GRM4: variants seen among roughly 807,000 people sequenced by gnomAD.
GRM4 encodes metabotropic glutamate receptor 4.
A neutral mutation model predicts 81.7 loss-of-function variants in GRM4; 28 were observed. The ratio of observed to expected loss-of-function variants is 0.34; its 90% CI spans 0.25 to 0.47. The LOEUF (loss-of-function observed/expected upper bound fraction) is 0.47, where lower values mean the gene tolerates loss of function less well. Among genes scored for constraint, GRM4 ranks in the 20% least tolerant of loss-of-function variants. The pLI, the probability that GRM4 is intolerant of heterozygous loss-of-function variation, is 1.00. For synonymous variants in GRM4, 488 were observed against 528.8 expected (o/e 0.92, Z 1.06); for missense variants, 948 against 1,290.0 (o/e 0.73, Z 4.06).
At position 34,040,705 on chromosome 6, in the gene GRM4, C is replaced by T. The variant is rs1486512187; in HGVS notation, c.1212G>A (p.Gly404=). 6.2e-7 allele frequency: 1 copy of T among 1,614,094 alleles called. No homozygotes were observed. Among genetic ancestry groups the T allele is most frequent in the Admixed American group, 1.7e-5 (1 of 60,028 alleles). The change falls in exon 7 of 11, where the codon GGG becomes GGA. Residue 404 remains glycine, a synonymous_variant. Transcript: ENST00000538487. Reference sequence around the variant, plus strand: ...CGGCATCGATCACAAACTGCACCTTCCCCTCCTGCTCATAAGCTGAATCCT... The same window carrying T: ...CGGCATCGATCACAAACTGCACCTTTCCCTCCTGCTCATAAGCTGAATCCT... ...IGQDSAYEQE[G]KVQFVIDAVY...
chr6:34,134,493 C>T (rs1272155125), intron 1 of GRM4, among the ~76,000 whole-genome samples: 1 of 152,096 alleles, frequency 6.6e-6, no homozygotes, highest in Admixed American at 6.5e-5. Context: ...CAAGGGAAGG[C>T]CAGGGAGGAG....
At chr6:34,126,848 G>A (rs911290675) in intron 2 of GRM4, among the ~76,000 whole-genome samples, 4 of 152,222 alleles carry the variant, frequency 2.6e-5, no homozygotes, top group Admixed American at 6.5e-5. Flanking sequence ...TGGGTGGGGC[G>A]TAGAGCCTAG....
intron 6 of GRM4, among the ~76,000 whole-genome samples, chr6:34,052,697 G>A (rs767774365): frequency 1.3e-5 from 2 of 152,188 alleles, no homozygotes; most frequent in Non-Finnish European, 2.9e-5. Context: ...AATAGGTCTC[G>A]GAGACCACAG....
intron 5 of GRM4, 100 bp from the exon 6 acceptor site, chr6:34,056,784 G>T: frequency 1.5e-6 from 2 of 1,316,362 alleles, no homozygotes; most frequent in East Asian, 2.5e-5. Flanking sequence ...CAGGCGGAGG[G>T]AGAGAGACCA....
chr6:34,101,698 C>T (rs562101354), intron 2 of GRM4, among the ~76,000 whole-genome samples: 5 of 152,346 alleles, frequency 3.3e-5, no homozygotes, highest in East Asian at 3.9e-4. Flanking sequence ...CACAAAAGAT[C>T]GGGCAGGAGC....
At chr6:34,049,814 G>A (rs571835005) in intron 6 of GRM4, among the ~76,000 whole-genome samples, 4 of 151,774 alleles carry the variant, frequency 2.6e-5, no homozygotes, top group East Asian at 1.9e-4. Flanking sequence ...TGACCCCTTC[G>A]CACCACCTCC....
intron 3 of GRM4, among the ~76,000 whole-genome samples, chr6:34,067,823 G>T (rs1766564978): frequency 6.6e-6 from 1 of 152,126 alleles, no homozygotes; most frequent in Admixed American, 6.5e-5. Flanking sequence ...GCAGAGGAAG[G>T]GCCCCCTGGA....
intron 1 of GRM4, among the ~76,000 whole-genome samples, chr6:34,145,779 G>A (rs1430493988): frequency 6.6e-6 from 1 of 152,194 alleles, no homozygotes; most frequent in Non-Finnish European, 1.5e-5. Flanking sequence ...TGAAAGTGCG[G>A]GCCAAGCTCA....
intron 1 of GRM4, among the ~76,000 whole-genome samples, chr6:34,143,743 T>C (rs769141113): frequency 1.1e-4 from 16 of 152,120 alleles, no homozygotes; most frequent in Non-Finnish European, 2.4e-4. Flanking sequence ...ACGTCCACCA[T>C]TGGCTGGCCC....
chr6:34,126,321 G>A (rs1053162414), intron 2 of GRM4, among the ~76,000 whole-genome samples: 1 of 152,166 alleles, frequency 6.6e-6, no homozygotes, highest in Non-Finnish European at 1.5e-5. Context: ...TGCTATGAGG[G>A]TTAGGACCAG....
chr6:34,155,303 G>A lies in GRM4; in HGVS notation c.88C>T (p.Pro30Ser), dbSNP rs925344153. Reference sequence around the variant, plus strand: ...TGGTGGGAGGAAGGTGGGGTACAGGGGTGGGGTGCGATGCAGAGGCGTAGA... The same window carrying A: ...TGGTGGGAGGAAGGTGGGGTACAGGAGTGGGGTGCGATGCAGAGGCGTAGA... The change falls in exon 1 of 9, where the codon CCC becomes TCC. Residue 30 changes from proline (P) to serine (S), a missense_variant. Physicochemically the swap from Pro to Ser is moderately conservative, Grantham distance 74 (BLOSUM62 -1). Coordinates refer to the GRM4 transcript ENST00000374177. 56 of 1,531,300 alleles carry A rather than the reference G, an allele frequency of 3.7e-5. No individual in the cohort carries two copies. The East Asian group carries it at 1.1e-3, about 30-fold the overall frequency. 94.9% of individuals were successfully genotyped at this position (1,531,300 alleles called of 1,614,324 possible).
chr6:34,046,598 G>GATAAAT (rs1035095815), intron 6 of GRM4, among the ~76,000 whole-genome samples: 1 of 152,208 alleles, frequency 6.6e-6, no homozygotes, highest in African/African-American at 2.4e-5. Flanking sequence ...CATCCACAGG[G>GATAAAT]ATAAATGCTC....
rs1055965228 is a variant in GRM4 at position 34,068,670 on chromosome 6, G to A, written c.737-6642C>T. On this transcript the variant is annotated intron_variant, in intron 3 of 10. Coordinates refer to ENST00000538487, the MANE Select transcript of GRM4 (RefSeq NM_000841.4). This position sits in a 1 kb window ranked among gnomAD's most constrained non-coding sequence, Gnocchi z 4.2. ...CCTATCTCATGCAGTCAGCCTGGGC[G>A]GGCTGAAAGGAAAGGCCTCCCGTAA... is the stretch of plus-strand genomic sequence containing the variant. 1.3e-5 allele frequency among the ~76,000 whole-genome samples: 2 copies of A among 152,194 alleles called. No individual in the cohort carries two copies. The highest frequency in any genetic ancestry group is 2.4e-5 in the African/African-American group (1 of 41,448).
chr6:34,050,721 T>A (rs947337248), intron 6 of GRM4, among the ~76,000 whole-genome samples: 3 of 152,230 alleles, frequency 2.0e-5, no homozygotes, highest in African/African-American at 7.2e-5. Context: ...GCACTCCCAG[T>A]TTCCTCCAAG....
At position 34,133,434 on chromosome 6, in the gene GRM4, G is replaced by C; in HGVS notation, c.63C>G (p.Ser21Arg). 6.2e-7 allele frequency: 1 copy of C among 1,610,810 alleles called. No homozygotes were observed. The highest frequency in any genetic ancestry group is 8.5e-7 in the Non-Finnish European group (1 of 1,178,676). Residue 21 changes from serine (S) to arginine (R), a missense_variant, in exon 2 of 11, where the codon AGC becomes AGG. Physicochemically the swap from Ser to Arg is moderately radical, Grantham distance 110 (BLOSUM62 -1). Transcript: ENST00000538487. The surrounding 1 kb of genome is among the most constrained non-coding windows in gnomAD (Gnocchi z 6.5). ...WARLPLCLLL[S>R]LYGPWMPSSL... is the part of the protein sequence containing the mutation. ...AGGAAGGCATCCAGGGGCCGTAAAG[G>C]CTGAGGAGCAGGCAAAGGGGCAGCC...
intron 2 of GRM4, among the ~76,000 whole-genome samples, chr6:34,103,201 C>T (rs1768930620): frequency 6.6e-6 from 1 of 152,246 alleles, no homozygotes; most frequent in East Asian, 1.9e-4. Context: ...GATTAATTTC[C>T]AGGCCCATTC....
chr6:34,125,290 G>A lies in GRM4; in HGVS notation c.519+7688C>T, dbSNP rs144745879. ...GAGCCTGTTTGCCCATCCAGTCACCGCACGCTAAAGCTGACATCCTGCCTG... is the reference window on the plus strand; with the variant it reads ...GAGCCTGTTTGCCCATCCAGTCACCACACGCTAAAGCTGACATCCTGCCTG... On this transcript the variant is annotated intron_variant, in intron 2 of 10. Coordinates refer to ENST00000538487, the MANE Select transcript of GRM4 (RefSeq NM_000841.4). Among the ~76,000 whole-genome samples the A allele has an allele frequency of 2.6e-4, 40 of 152,262 alleles. No individual in the cohort carries two copies. The East Asian group carries it at 6.8e-3, about 26-fold the overall frequency.
At chr6:34,126,521 G>A (rs1770027755) in intron 2 of GRM4, among the ~76,000 whole-genome samples, 1 of 152,296 alleles carries the variant, frequency 6.6e-6, no homozygotes, top group Admixed American at 6.5e-5. Flanking sequence ...TAGGTGAAAG[G>A]AATTCCCTGA....
In GRM4 at chr6:34,064,470, G is replaced by C. The variant is rs960539330; in HGVS notation, c.737-2442C>G. 3.9e-5 allele frequency among the ~76,000 whole-genome samples: 6 copies of C among 152,226 alleles called. No homozygotes were observed. Among genetic ancestry groups the C allele is most frequent in the Non-Finnish European group, 7.3e-5 (5 of 68,036 alleles). The stretch of plus-strand genomic sequence containing the variant: ...GCCACCTTTCATCCAGTCATGTAGT[G>C]AATGGATAGGATTGTGGAGTTGAGG... On this transcript the variant is annotated intron_variant, in intron 3 of 10. Coordinates refer to ENST00000538487, the MANE Select transcript of GRM4 (RefSeq NM_000841.4). The surrounding 1 kb of genome is among the most constrained non-coding windows in gnomAD (Gnocchi z 4.4).
Sources: gnomAD v4.1 joint callset for allele counts (sites outside exome capture counted in the v4.1 genomes callset) on GRCh38, gnomAD v4.1.1 for gene constraint, Gnocchi (gnomAD v3.1) non-coding constraint, MANE v1.5 for transcripts, NCBI Gene and HGNC (gene_info 2026-07-23, HGNC 2026-07-21) for gene names.